The following RHOBTB3 variants were observed in gnomAD, a reference collection of about 807,000 sequenced individuals.
RHOBTB3 encodes the protein Rho related BTB domain containing 3, also known as rho-related BTB domain-containing protein 3.
A neutral mutation model predicts 67.2 loss-of-function variants in RHOBTB3; 47 were observed. That is an observed-to-expected ratio of 0.70 (90% confidence interval 0.55 to 0.89). RHOBTB3 has a LOEUF of 0.89. RHOBTB3 is among the 40% of genes least tolerant of loss of function. RHOBTB3 has a pLI of 0.00. For missense variants in RHOBTB3, 631 were observed against 750.0 expected (o/e 0.84, Z 1.85); for synonymous variants, 273 against 274.2 (o/e 1.00, Z 0.04).
At chr5:95,789,044 A>G (rs1169632475) in intron 11 of RHOBTB3, 186 bp downstream of exon 11, 5 of 494,050 alleles carry the variant, frequency 1.0e-5, no homozygotes, top group Non-Finnish European at 1.7e-5. Context: ...TAAGTGCCTT[A>G]ACCTGTGTTA....
chr5:95,795,280 C>T lies in RHOBTB3; in HGVS notation c.*2106C>T, dbSNP rs551205558. 6.6e-6 allele frequency: 1 copy of T among 152,046 alleles called. No individual in the cohort carries two copies. Among genetic ancestry groups the T allele is most frequent in the Non-Finnish European group, 1.5e-5 (1 of 68,010 alleles). 9.4% of individuals were successfully genotyped at this position (152,046 alleles called of 1,614,324 possible). A position where few individuals can be genotyped will look rare whatever the true frequency, so the allele number is the denominator to read the frequency against. On this transcript the variant is annotated 3_prime_UTR_variant, in exon 12 of 12. Coordinates refer to ENST00000379982, the MANE Select transcript of RHOBTB3 (RefSeq NM_014899.4). Reference sequence around the variant, plus strand: ...TCAACCACTGGCAAATCCCATTTGACAAAGATTAGCATTGTAAAAAACAGA... The same window carrying T: ...TCAACCACTGGCAAATCCCATTTGATAAAGATTAGCATTGTAAAAAACAGA...
chr5:95,772,626 A>C (rs775350423), intron 8 of RHOBTB3, among the ~76,000 whole-genome samples: 5 of 152,168 alleles, frequency 3.3e-5, no homozygotes, highest in Non-Finnish European at 7.4e-5. Context: ...TAGAAGTTTA[A>C]CTGTGAGAAG....
rs191941158 is a variant in RHOBTB3, at chr5:95,762,688, T to A, written c.1049-820T>A. 5.3e-5 allele frequency among the ~76,000 whole-genome samples: 8 copies of A among 152,248 alleles called. No homozygotes were observed. The East Asian group carries it at 1.5e-3, about 29-fold the overall frequency. ...AATCTCTTGGAATGTCATGATCAGATTCGTGCTTTTGAAAACTCACCAGCT... is the reference window on the plus strand; with the variant it reads ...AATCTCTTGGAATGTCATGATCAGAATCGTGCTTTTGAAAACTCACCAGCT... On this transcript the variant is annotated intron_variant, in intron 6 of 11. Coordinates refer to ENST00000379982, the MANE Select transcript of RHOBTB3 (RefSeq NM_014899.4).
chr5:95,766,182 T>C (rs981693365), intron 7 of RHOBTB3, among the ~76,000 whole-genome samples: 11 of 151,930 alleles, frequency 7.2e-5, no homozygotes, highest in African/African-American at 2.2e-4. Flanking sequence ...ATATCATTTT[T>C]CCCCCCTCAC....
At chr5:95,742,121 C>T (rs182884367) in intron 3 of RHOBTB3, among the ~76,000 whole-genome samples, 73 of 152,242 alleles carry the variant, frequency 4.8e-4, no homozygotes, top group South Asian at 3.5e-3. Flanking sequence ...ACTCTGGTTC[C>T]TTCTAGGGGG....
rs879037198 is a variant in RHOBTB3 at position 95,793,484 on chromosome 5, TA to T, written c.*322del. The stretch of plus-strand genomic sequence containing the variant: ...CCTCTCAGTTAAGAAATGCTTAGAT[TA>T]AAAAAAAAAAATTACGTAGGATTAA... On this transcript the variant is annotated 3_prime_UTR_variant, in exon 12 of 12. Transcript: ENST00000379982. 0.032 allele frequency: 5,627 copies of T among 177,232 alleles called. 5 individuals carry two copies. Among genetic ancestry groups the T allele is most frequent in the Middle Eastern group, 0.067 (29 of 434 alleles). 11.0% of individuals were successfully genotyped at this position (177,232 alleles called of 1,614,324 possible).
intron 8 of RHOBTB3, among the ~76,000 whole-genome samples, chr5:95,776,946 T>G (rs1285536275): frequency 6.6e-6 from 1 of 152,144 alleles, no homozygotes; most frequent in Non-Finnish European, 1.5e-5. Flanking sequence ...AATCTTTCCT[T>G]TAAAGTGTCC....
chr5:95,742,964 G>A (rs1004306803), intron 3 of RHOBTB3, among the ~76,000 whole-genome samples: 4 of 152,168 alleles, frequency 2.6e-5, no homozygotes, highest in Non-Finnish European at 5.9e-5. Context: ...CCAGCTACTC[G>A]GGAGGCTGAG....
chr5:95,758,130 A>G (rs755318338), intron 6 of RHOBTB3, among the ~76,000 whole-genome samples: 10 of 152,200 alleles, frequency 6.6e-5, no homozygotes, highest in Non-Finnish European at 1.3e-4. Context: ...ATCCTTTTTA[A>G]CATAGTAGCA....
rs866034057 is a variant in RHOBTB3 at position 95,741,525 on chromosome 5, T to G, written c.415+4450T>G. ...CTCTTTTTTTTTTCTTTCTTTCTGT[T>G]TTTTTTTTTTTTTTTTTTTAGAAAC... On this transcript the variant is annotated intron_variant, in intron 3 of 11. Coordinates refer to ENST00000379982, the MANE Select transcript of RHOBTB3 (RefSeq NM_014899.4). 1.1e-3 allele frequency among the ~76,000 whole-genome samples: 149 copies of G among 130,178 alleles called. 1 individual carries two copies. In the Middle Eastern group the frequency reaches 0.015, roughly 13 times the overall value. The allele number at this position is 130,178 out of a possible 152,430, so 85.4% of individuals were successfully genotyped here. A position where few individuals can be genotyped will look rare whatever the true frequency, so the allele number is the denominator to read the frequency against.
rs187227485 is a variant in RHOBTB3 at position 95,794,456 on chromosome 5, C to G, written c.*1282C>G. On this transcript the variant is annotated 3_prime_UTR_variant, in exon 12 of 12. Coordinates refer to ENST00000379982, the MANE Select transcript of RHOBTB3 (RefSeq NM_014899.4). ...TAAAGAGTAGCATGAATCTTGTGCT[C>G]TAATATTACACAGTAAGTTCAAAGA... 3 of 163,332 alleles carry G rather than the reference C, an allele frequency of 1.8e-5. No homozygotes were observed. The highest frequency in any genetic ancestry group is 1.7e-4 in the Admixed American group (3 of 17,290). 10.1% of individuals were successfully genotyped at this position (163,332 alleles called of 1,614,324 possible).
chr5:95,731,473 C>A lies in RHOBTB3; in HGVS notation c.-210C>A. 2 of 1,222,902 alleles carry A rather than the reference C, an allele frequency of 1.6e-6. No homozygotes were observed. The highest frequency in any genetic ancestry group is 2.0e-6 in the Non-Finnish European group (2 of 985,402). 75.8% of individuals were successfully genotyped at this position (1,222,902 alleles called of 1,614,324 possible). On this transcript the variant is annotated 5_prime_UTR_variant, in exon 1 of 12. Transcript: ENST00000379982. ...TCCCTGAGTAGCGGCAGCTTATCCCCCGCCCGCTAGCCCGCCCTGGTCCCC... is the reference window on the plus strand; with the variant it reads ...TCCCTGAGTAGCGGCAGCTTATCCCACGCCCGCTAGCCCGCCCTGGTCCCC...
At position 95,731,632 on chromosome 5, in the gene RHOBTB3, G is replaced by A. The variant is rs765825288; in HGVS notation, c.-51G>A. 3.1e-6 allele frequency: 5 copies of A among 1,611,170 alleles called. No homozygotes were observed. The highest frequency in any genetic ancestry group is 1.1e-5 in the South Asian group (1 of 90,564). On this transcript the variant is annotated 5_prime_UTR_variant, in exon 1 of 12. In the 5' UTR this introduces an upstream ATG that the reference lacks. Transcript: ENST00000379982. ...CGCCGCCCGGGGGCCCCGCGAAGCCGTGAGCCGCTGCTTTTCTCCGAGTCG... is the reference window on the plus strand; with the variant it reads ...CGCCGCCCGGGGGCCCCGCGAAGCCATGAGCCGCTGCTTTTCTCCGAGTCG...
intron 6 of RHOBTB3, among the ~76,000 whole-genome samples, chr5:95,758,317 T>C (rs1745305381): frequency 6.6e-6 from 1 of 152,240 alleles, no homozygotes; most frequent in Non-Finnish European, 1.5e-5. Context: ...TGTAATTTTT[T>C]TATGCACTCA....
intron 6 of RHOBTB3, among the ~76,000 whole-genome samples, chr5:95,757,189 G>A (rs566910515): frequency 5.9e-5 from 9 of 152,074 alleles, no homozygotes; most frequent in Admixed American, 1.3e-4. Context: ...AAACTCAGTA[G>A]CAACTATATT....
intron 4 of RHOBTB3, 48 bp from the exon 5 acceptor site, chr5:95,752,191 A>T: frequency 8.9e-7 from 1 of 1,121,926 alleles, no homozygotes; most frequent in Non-Finnish European, 1.3e-6. Context: ...TTCATGTTGG[A>T]TATATAGTTT....
Position 95,780,409 on chromosome 5 carries a change from A to G in RHOBTB3, c.1440A>G (p.Thr480=), listed in dbSNP as rs1746014948. 1.9e-6 allele frequency: 3 copies of G among 1,613,762 alleles called. No individual in the cohort carries two copies. The highest frequency in any genetic ancestry group is 2.7e-5 in the African/African-American group (2 of 74,940). The change falls in exon 9 of 12, where the codon ACA becomes ACG. Residue 480 remains threonine, a synonymous_variant. Coordinates refer to ENST00000379982, the MANE Select transcript of RHOBTB3 (RefSeq NM_014899.4). ...TFLSFLEYLY[T]DSCCPAGIFQ... ...TGTCATTTTTAGAATACCTGTACACAGACTCCTGCTGCCCAGGTTAGCAAT... is the reference window on the plus strand; with the variant it reads ...TGTCATTTTTAGAATACCTGTACACGGACTCCTGCTGCCCAGGTTAGCAAT...
intron 8 of RHOBTB3, among the ~76,000 whole-genome samples, chr5:95,777,897 A>T (rs1745935624): frequency 6.6e-6 from 1 of 152,118 alleles, no homozygotes; most frequent in African/African-American, 2.4e-5. Flanking sequence ...TGGGAGCATC[A>T]CGTGAAGCCA....
At chr5:95,791,807 A>G (rs1234036459) in intron 11 of RHOBTB3, among the ~76,000 whole-genome samples, 2 of 151,890 alleles carry the variant, frequency 1.3e-5, no homozygotes, top group East Asian at 1.9e-4. Context: ...CGGCCTCCCA[A>G]AGTGGTGGGA....
Sources: gnomAD v4.1 joint callset for allele counts (sites outside exome capture counted in the v4.1 genomes callset) on GRCh38, gnomAD v4.1.1 for gene constraint, MANE v1.5 for transcripts, NCBI Gene and HGNC (gene_info 2026-07-23, HGNC 2026-07-21) for gene names.